The following APBA2 variants were observed in gnomAD, a reference collection of about 807,000 sequenced individuals.
APBA2 encodes the protein amyloid beta precursor protein binding family A member 2.
A neutral mutation model predicts 75.0 loss-of-function variants in APBA2; 30 were observed. The ratio of observed to expected loss-of-function variants is 0.40; its 90% confidence interval spans 0.30 to 0.54. The LOEUF is 0.54. Ranked by LOEUF, APBA2 falls within the 20% of genes least tolerant of loss-of-function variation. The pLI, the probability that APBA2 is intolerant of heterozygous loss-of-function variation, is 0.49. For synonymous variants in APBA2, 444 were observed against 409.6 expected (o/e 1.08, Z -1.01); for missense variants, 801 against 1,016.1 (o/e 0.79, Z 2.88).
chr15:29,110,725 G>A (rs970636720), intron 13 of APBA2, among the ~76,000 whole-genome samples: 6 of 152,212 alleles, frequency 3.9e-5, no homozygotes, highest in African/African-American at 1.4e-4. Context: ...GAAGAGATGA[G>A]GAAGGGAAGG....
chr15:29,062,065 G>A (rs1002825223), intron 4 of APBA2, among the ~76,000 whole-genome samples: 1 of 152,094 alleles, frequency 6.6e-6, no homozygotes, highest in Non-Finnish European at 1.5e-5. Flanking sequence ...GAAAGAGCCT[G>A]TAGGTGGTGC....
At chr15:28,954,349 C>T (rs1291036712) in intron 2 of APBA2, among the ~76,000 whole-genome samples, 1 of 152,164 alleles carries the variant, frequency 6.6e-6, no homozygotes, top group Non-Finnish European at 1.5e-5. Context: ...GTTCCCTGGC[C>T]ATCCCATTAA....
At chr15:29,094,041 T>C (rs2043719956) in intron 7 of APBA2, among the ~76,000 whole-genome samples, 1 of 152,258 alleles carries the variant, frequency 6.6e-6, no homozygotes. Flanking sequence ...GCATCTTTCC[T>C]GTCCTCCATA....
intron 3 of APBA2, among the ~76,000 whole-genome samples, chr15:29,009,750 A>G (rs948342332): frequency 6.6e-6 from 1 of 152,196 alleles, no homozygotes; most frequent in Non-Finnish European, 1.5e-5. Context: ...GTGGTGTGAC[A>G]GTAGTTCATT....
chr15:29,098,402 A>T (rs73370272), intron 8 of APBA2, 88 bp from the exon 9 acceptor site: 3 of 860,874 alleles, frequency 3.5e-6, no homozygotes, highest in African/African-American at 1.6e-5. Flanking sequence ...GTGATTAGGG[A>T]TGTTGAGCAT....
rs771858992 is a variant in APBA2 at position 29,113,866 on chromosome 15, G to C, written c.2038-10G>C. ...GGAACACGTGTGCTGACCTGGCCAT[G>C]TCTGCTTAGATCTGCAGCCTCATGA... On this transcript the variant is annotated splice_polypyrimidine_tract_variant and intron_variant, in intron 13 of 14. Coordinates refer to ENST00000683413, the MANE Select transcript of APBA2 (RefSeq NM_001353788.2). 6.2e-7 allele frequency: 1 copy of C among 1,609,634 alleles called. No individual in the cohort carries two copies. The highest frequency in any genetic ancestry group is 8.5e-7 in the Non-Finnish European group (1 of 1,179,624).
chr15:29,079,371 T>C (rs2042988285), intron 6 of APBA2, among the ~76,000 whole-genome samples: 1 of 152,188 alleles, frequency 6.6e-6, no homozygotes, highest in Admixed American at 6.5e-5. Flanking sequence ...TCTTGTTCCC[T>C]TGGAGTAGAC....
At chr15:29,105,585 A>G in intron 11 of APBA2, 27 bp downstream of exon 11, 1 of 1,612,064 alleles carries the variant, frequency 6.2e-7, no homozygotes, top group Non-Finnish European at 8.5e-7. Context: ...AGCCTCAGGG[A>G]GGCCACATTT....
intron 1 of APBA2, among the ~76,000 whole-genome samples, chr15:28,912,722 C>T (rs1274736765): frequency 1.3e-5 from 2 of 152,252 alleles, no homozygotes. Flanking sequence ...TGTTATTGAG[C>T]AATCCTCCAG....
At chr15:28,972,545 C>T (rs531217823) in intron 2 of APBA2, among the ~76,000 whole-genome samples, 1 of 152,118 alleles carries the variant, frequency 6.6e-6, no homozygotes, top group Non-Finnish European at 1.5e-5. Context: ...ATAACAACAA[C>T]AAAGAAAGCA....
intron 3 of APBA2, among the ~76,000 whole-genome samples, chr15:29,049,933 G>A (rs1032412432): frequency 6.6e-6 from 1 of 152,064 alleles, no homozygotes; most frequent in African/African-American, 2.4e-5. Flanking sequence ...AGGCCATTAG[G>A]GAGAGAAATA....
intron 2 of APBA2, among the ~76,000 whole-genome samples, chr15:28,956,305 G>A (rs1566840035): frequency 6.6e-6 from 1 of 151,982 alleles, no homozygotes; most frequent in Non-Finnish European, 1.5e-5. Flanking sequence ...GGACCCCATG[G>A]GTGGGCTGGA....
intron 2 of APBA2, among the ~76,000 whole-genome samples, chr15:28,951,886 T>A (rs1416600077): frequency 2.0e-5 from 3 of 147,392 alleles, no homozygotes; most frequent in African/African-American, 7.6e-5. Flanking sequence ...TCAGCCTTTT[T>A]TTTTTTTTTT....
At chr15:29,108,829 GT>G (rs1342791460) in intron 13 of APBA2, among the ~76,000 whole-genome samples, 2 of 152,232 alleles carry the variant, frequency 1.3e-5, no homozygotes, top group South Asian at 2.1e-4. Flanking sequence ...TACCTGCTCT[GT>G]GTTAGGCTTT....
chr15:28,896,928 T>G (rs1179563732), intron 1 of APBA2, among the ~76,000 whole-genome samples: 1 of 152,170 alleles, frequency 6.6e-6, no homozygotes. Flanking sequence ...CTCTCAATCA[T>G]GTTCCTTATT....
chr15:29,049,338 G>T (rs2041488629), intron 3 of APBA2, among the ~76,000 whole-genome samples: 1 of 152,186 alleles, frequency 6.6e-6, no homozygotes, highest in Admixed American at 6.5e-5. Context: ...TACACTTTCT[G>T]ATGGGTTAAA....
intron 4 of APBA2, among the ~76,000 whole-genome samples, chr15:29,058,133 G>A (rs994442401): frequency 6.6e-6 from 1 of 152,198 alleles, no homozygotes; most frequent in Admixed American, 6.5e-5. Context: ...TTTCGGTACA[G>A]AGGGATTTAA....
Position 29,054,296 on chromosome 15 carries a change from G to A in APBA2, c.412G>A (p.Val138Met), listed in dbSNP as rs772243386. ...PVDTDECQEA[V>M]EEWTDSAGPH... ...GGACACTGATGAGTGCCAGGAGGCG[G>A]TGGAGGAGTGGACGGACTCGGCGGG... Residue 138 changes from valine to methionine, a missense_variant, in exon 4 of 15, where the codon GTG becomes ATG. This residue lies in a region of APBA2 where 434 missense variants were observed against 471.6 expected (regional missense o/e 0.92). Transcript: ENST00000683413. The surrounding 1 kb of genome is among the most constrained non-coding windows in gnomAD (Gnocchi z 6.1). 3.7e-6 allele frequency: 6 copies of A among 1,614,038 alleles called. No individual in the cohort carries two copies. The South Asian group carries it at 5.5e-5, about 15-fold the overall frequency.
rs529467280 is a variant in APBA2, at chr15:28,976,200, G to C, written c.-94-19553G>C. On this transcript the variant is annotated intron_variant, in intron 2 of 14. Transcript: ENST00000683413. ...CTTTGTTGAGTTTGTGTTTTGACCT[G>C]GTATCCAGCAACCTTGCTTAACAGT... Among the ~76,000 whole-genome samples the C allele has an allele frequency of 3.9e-5, 6 of 152,292 alleles. No homozygotes were observed. The South Asian group carries it at 1.0e-3, about 26-fold the overall frequency.
Sources: gnomAD v4.1 joint callset for allele counts (sites outside exome capture counted in the v4.1 genomes callset) on GRCh38, gnomAD v4.1.1 for gene constraint, gnomAD v4.1.1 regional missense constraint, Gnocchi (gnomAD v3.1) non-coding constraint, MANE v1.5 for transcripts, NCBI Gene and HGNC (gene_info 2026-07-23, HGNC 2026-07-21) for gene names.